KSR1: variants seen among roughly 807,000 people sequenced by gnomAD.
The protein encoded by KSR1 is kinase suppressor of ras 1.
KSR1 carries 35 observed loss-of-function variants against 92.9 expected under a neutral mutation model. That is an observed-to-expected ratio of 0.38 (90% CI 0.29 to 0.50). The LOEUF is 0.50. KSR1 is among the 20% of genes least tolerant of loss of function. The pLI, the probability that KSR1 is intolerant of heterozygous loss-of-function variation, is 0.94. For synonymous variants in KSR1, 467 were observed against 472.6 expected (o/e 0.99, Z 0.15); for missense variants, 972 against 1,158.5 (o/e 0.84, Z 2.34).
rs751092460 is a variant in KSR1 at position 27,507,563 on chromosome 17, C to CTTTTTTTTTTTTTT, written c.232-42988_232-42975dup. Among the ~76,000 whole-genome samples the CTTTTTTTTTTTTTT allele has an allele frequency of 6.9e-5, 3 of 43,298 alleles. 1 individual carries two copies. Among genetic ancestry groups the CTTTTTTTTTTTTTT allele is most frequent in the African/African-American group, 8.9e-5 (1 of 11,264 alleles). The allele number at this position is 43,298 out of a possible 152,430, so 28.4% of individuals were successfully genotyped here. A position where few individuals can be genotyped will look rare whatever the true frequency, so the allele number is the denominator to read the frequency against. ...GATCATTAAAATCTTTATTGTTTGG[C>CTTTTTTTTTTTTTT]TTTTTTTTTTTTTTTTTTTTTTTTT... On this transcript the variant is annotated intron_variant, in intron 1 of 20. Transcript: ENST00000644974.
At chr17:27,477,092 G>A (rs898928332) in intron 1 of KSR1, among the ~76,000 whole-genome samples, 3 of 152,210 alleles carry the variant, frequency 2.0e-5, no homozygotes, top group African/African-American at 7.2e-5. Context: ...CATTGCCATG[G>A]TATATGTAAA....
chr17:27,571,806 G>A (rs561037366), intron 2 of KSR1, among the ~76,000 whole-genome samples: 2 of 152,222 alleles, frequency 1.3e-5, no homozygotes, highest in Admixed American at 6.5e-5. Flanking sequence ...ATACGTGGCC[G>A]GTACAGCAGC....
chr17:27,582,484 G>C (rs867846801), intron 3 of KSR1, among the ~76,000 whole-genome samples, 162 bp from the exon 4 acceptor site: 1 of 152,174 alleles, frequency 6.6e-6, no homozygotes, highest in Non-Finnish European at 1.5e-5. Flanking sequence ...GTGCGCATGA[G>C]TGAGCGGCCT....
At chr17:27,576,279 AG>A (rs1464384046) in intron 2 of KSR1, among the ~76,000 whole-genome samples, 2 of 152,192 alleles carry the variant, frequency 1.3e-5, no homozygotes, top group African/African-American at 4.8e-5. Flanking sequence ...CAGGACCCTC[AG>A]TGGATGCCTG....
intron 1 of KSR1, among the ~76,000 whole-genome samples, chr17:27,515,525 A>G (rs1297429467): frequency 2.0e-5 from 3 of 151,616 alleles, no homozygotes; most frequent in African/African-American, 7.3e-5. Flanking sequence ...AGTAGGCTCT[A>G]CTGAGGTGTG....
At chr17:27,616,266 T>C (rs1222192737) in intron 18 of KSR1, among the ~76,000 whole-genome samples, 1 of 152,242 alleles carries the variant, frequency 6.6e-6, no homozygotes, top group Non-Finnish European at 1.5e-5. Context: ...AGACAGAATT[T>C]GGTTCTTCTT....
At chr17:27,511,208 A>G (rs143002524) in intron 1 of KSR1, among the ~76,000 whole-genome samples, 20 of 152,384 alleles carry the variant, frequency 1.3e-4, no homozygotes, top group African/African-American at 4.8e-4. Context: ...GTGAAGAGGT[A>G]GGCCAAGAAA....
intron 2 of KSR1, among the ~76,000 whole-genome samples, chr17:27,574,990 G>A (rs2072450020): frequency 6.6e-6 from 1 of 152,192 alleles, no homozygotes; most frequent in Non-Finnish European, 1.5e-5. Flanking sequence ...TGGGCTGTAG[G>A]CCACTTGAGA....
At chr17:27,488,024 T>G (rs1237109662) in intron 1 of KSR1, among the ~76,000 whole-genome samples, 1 of 152,074 alleles carries the variant, frequency 6.6e-6, no homozygotes, top group Non-Finnish European at 1.5e-5. Context: ...GGACAAATAT[T>G]CAAACTATAT....
In KSR1 at chr17:27,577,612, A is replaced by C; in HGVS notation, c.493A>C (p.Thr165Pro). The C allele has an allele frequency of 6.3e-7, 1 of 1,588,718 alleles. No homozygotes were observed. Residue 165 changes from threonine to proline, a missense_variant, in exon 3 of 21, where the codon ACC (threonine) becomes CCC (proline). Thr to Pro is a conservative substitution (Grantham distance 38). Transcript: ENST00000644974. The surrounding 1 kb of genome is among the most constrained non-coding windows in gnomAD (Gnocchi z 4.5). ...DECGRLQYALTCLRKVTGLGG... is the reference protein window; with the variant it reads ...DECGRLQYALPCLRKVTGLGG... ...GTGTGGCCGTCTGCAGTATGCCCTC[A>C]CCTGCCTGCGGAAGGTGACAGGCCT...
At chr17:27,469,999 T>A (rs1258976867) in intron 1 of KSR1, among the ~76,000 whole-genome samples, 1 of 131,954 alleles carries the variant, frequency 7.6e-6, no homozygotes, top group Non-Finnish European at 1.8e-5. Flanking sequence ...ATGGAGTGTG[T>A]GTGTGTGTGT....
intron 1 of KSR1, among the ~76,000 whole-genome samples, chr17:27,513,057 CTG>C (rs1241486651): frequency 6.6e-6 from 1 of 152,172 alleles, no homozygotes; most frequent in Non-Finnish European, 1.5e-5. Flanking sequence ...TCCCCAAACA[CTG>C]TAAATTTAGT....
At chr17:27,555,637 C>A (rs188375071) in intron 2 of KSR1, among the ~76,000 whole-genome samples, 48 of 152,254 alleles carry the variant, frequency 3.2e-4, no homozygotes, top group South Asian at 8.3e-4. Flanking sequence ...CAGTTATTTC[C>A]CCAGGGAGCC....
In KSR1 at chr17:27,582,664, A is replaced by G. The variant is rs756267878; in HGVS notation, c.539A>G (p.Asp180Gly). The G allele has an allele frequency of 6.2e-7, 1 of 1,609,772 alleles. No individual in the cohort carries two copies. The highest frequency in any genetic ancestry group is 1.3e-5 in the African/African-American group (1 of 74,800). Reference protein sequence around the residue: ...VTGLGGEHKEDSSWSSLDARR... With the variant: ...VTGLGGEHKEGSSWSSLDARR... ...TCCACAGGAGGGGAGCACAAGGAGG[A>G]CTCCAGTTGGAGTTCATTGGATGCG... is the stretch of plus-strand genomic sequence containing the variant. The change falls in exon 4 of 21, where the codon GAC (aspartate) becomes GGC (glycine). Residue 180 changes from aspartate (D) to glycine (G), a missense_variant. Asp to Gly is a moderately conservative substitution (Grantham distance 94, BLOSUM62 -1). Around this residue, in one of 5 missense-constraint regions of KSR1, gnomAD observed 611 missense variants for 668.0 expected, o/e 0.91. Coordinates refer to ENST00000644974, the MANE Select transcript of KSR1 (RefSeq NM_001394583.1).
At chr17:27,506,981 C>T (rs772175842) in intron 1 of KSR1, among the ~76,000 whole-genome samples, 4 of 152,216 alleles carry the variant, frequency 2.6e-5, no homozygotes, top group Non-Finnish European at 5.9e-5. Flanking sequence ...CTGTCTAGAA[C>T]TTTCTGCAAT....
At chr17:27,604,595 C>T (rs1165945996) in intron 12 of KSR1, 85 bp from the exon 13 acceptor site, 2 of 1,364,488 alleles carry the variant, frequency 1.5e-6, no homozygotes, top group Non-Finnish European at 2.1e-6. Flanking sequence ...GTACCTTTGT[C>T]TCAGATCTCT....
chr17:27,611,355 T>A, intron 17 of KSR1, 139 bp from the exon 18 acceptor site: 1 of 1,070,758 alleles, frequency 9.3e-7, no homozygotes, highest in Non-Finnish European at 1.3e-6. Flanking sequence ...GAGCCCACTG[T>A]AGCATCCCCT....
At chr17:27,597,544 C>T in intron 10 of KSR1, 108 bp downstream of exon 10, 1 of 1,196,488 alleles carries the variant, frequency 8.4e-7, no homozygotes, top group Non-Finnish European at 1.2e-6. Context: ...CAGCTAAGAG[C>T]TGATGTTTAT....
chr17:27,585,029 C>T lies in KSR1; in HGVS notation c.981-628C>T, dbSNP rs190004340. Among the ~76,000 whole-genome samples, 961 of 152,306 alleles carry T rather than the reference C, an allele frequency of 6.3e-3. 4 individuals carry two copies. Among genetic ancestry groups the T allele is most frequent in the Non-Finnish European group, 0.011 (719 of 68,028 alleles). On this transcript the variant is annotated intron_variant, in intron 4 of 20. Coordinates refer to ENST00000644974, the MANE Select transcript of KSR1 (RefSeq NM_001394583.1). Reference sequence around the variant, plus strand: ...TCGGCTCACTGCAACCTCCACCTCCCGGATTCAAGCGATTCTCCTGCCTCA... The same window carrying T: ...TCGGCTCACTGCAACCTCCACCTCCTGGATTCAAGCGATTCTCCTGCCTCA...
Sources: allele counts gnomAD v4.1 joint callset (sites outside exome capture counted in the v4.1 genomes callset), GRCh38; gene constraint gnomAD v4.1.1; regional missense constraint gnomAD v4.1.1; non-coding constraint Gnocchi (gnomAD v3.1); transcripts MANE v1.5; gene names NCBI Gene and HGNC (gene_info 2026-07-23, HGNC 2026-07-21).